Variants in KCNK10 observed in about 807,000 individuals in gnomAD.
KCNK10 encodes the protein potassium channel subfamily K member 10.
KCNK10 carries 25 observed loss-of-function variants against 47.7 expected under a neutral mutation model. The ratio of observed to expected loss-of-function variants is 0.52; its 90% CI spans 0.38 to 0.73. The LOEUF (loss-of-function observed/expected upper bound fraction) is 0.73. Ranked by LOEUF, KCNK10 falls within the 30% of genes least tolerant of loss-of-function variation. The pLI, the probability that KCNK10 is intolerant of heterozygous loss-of-function variation, is 0.00. For synonymous variants in KCNK10, 303 were observed against 285.6 expected (o/e 1.06, Z -0.61); for missense variants, 563 against 714.5 (o/e 0.79, Z 2.42).
chr14:88,293,619 C>T (rs552225308), intron 1 of KCNK10, among the ~76,000 whole-genome samples: 1 of 152,012 alleles, frequency 6.6e-6, no homozygotes, highest in Non-Finnish European at 1.5e-5. Context: ...TTTGCCTGGA[C>T]TTCAATACCT....
intron 4 of KCNK10, among the ~76,000 whole-genome samples, chr14:88,200,406 G>T (rs1885066256): frequency 6.6e-6 from 1 of 152,170 alleles, no homozygotes; most frequent in African/African-American, 2.4e-5. Flanking sequence ...TAGTTTGAGG[G>T]ATCTAGAATT....
At chr14:88,243,998 A>G (rs980300364) in intron 2 of KCNK10, among the ~76,000 whole-genome samples, 13 of 152,178 alleles carry the variant, frequency 8.5e-5, no homozygotes, top group Admixed American at 7.9e-4. Context: ...TGTTATGGGC[A>G]AAGTAGGGCC....
intron 4 of KCNK10, among the ~76,000 whole-genome samples, chr14:88,215,093 C>G (rs1334515394): frequency 6.6e-6 from 1 of 152,164 alleles, no homozygotes; most frequent in Non-Finnish European, 1.5e-5. Flanking sequence ...CAATAATGAT[C>G]TCTTTGGCAG....
At chr14:88,315,715 T>C (rs1377491763) in intron 1 of KCNK10, among the ~76,000 whole-genome samples, 1 of 152,118 alleles carries the variant, frequency 6.6e-6, no homozygotes, top group African/African-American at 2.4e-5. Flanking sequence ...ACTTCCAGGC[T>C]CTCCATCACC....
In KCNK10 at chr14:88,261,953, C is replaced by T. The variant is rs1887124625; in HGVS notation, c.402+1249G>A. On this transcript the variant is annotated intron_variant, in intron 2 of 6. Coordinates refer to ENST00000319231, the MANE Select transcript of KCNK10 (RefSeq NM_138317.3). The stretch of plus-strand genomic sequence containing the variant: ...ATTTCTATTTATTTAAGAGTCAAGT[C>T]ATTATTAAAACTAACTGACAAGAAT... Among the ~76,000 whole-genome samples, 2 of 152,096 alleles carry T rather than the reference C, an allele frequency of 1.3e-5. 1 individual carries two copies. Among genetic ancestry groups the T allele is most frequent in the South Asian group, 4.2e-4 (2 of 4,814 alleles).
At chr14:88,232,998 G>A (rs1383456624) in intron 3 of KCNK10, among the ~76,000 whole-genome samples, 7 of 152,188 alleles carry the variant, frequency 4.6e-5, no homozygotes, top group African/African-American at 1.7e-4. Context: ...GATGGCAGCT[G>A]CAGCAGCCAG....
In KCNK10 at chr14:88,315,702, G is replaced by A. The variant is rs1359890820; in HGVS notation, c.52+7045C>T. Among the ~76,000 whole-genome samples the A allele has an allele frequency of 1.2e-4, 19 of 152,202 alleles. No homozygotes were observed. In the South Asian group the frequency reaches 2.9e-3, roughly 23 times the overall value. Reference sequence around the variant, plus strand: ...GTTTTAGGCGTCTGCAAAGGTTACCGTGACTTCCAGGCTCTCCATCACCCG... The same window carrying A: ...GTTTTAGGCGTCTGCAAAGGTTACCATGACTTCCAGGCTCTCCATCACCCG... On this transcript the variant is annotated intron_variant, in intron 1 of 6. Coordinates refer to ENST00000319231, the MANE Select transcript of KCNK10 (RefSeq NM_138317.3).
rs751915100 is a variant in KCNK10 at position 88,263,569 on chromosome 14, G to A, written c.53-18C>T. On this transcript the variant is annotated intron_variant, in intron 1 of 6. Transcript: ENST00000319231. ...AACGGCCACTGAGGAGTCAGGGTGG[G>A]GGACAAAGAAGAAGAGAGTTTGTTT... 2.5e-6 allele frequency: 4 copies of A among 1,595,118 alleles called. No individual in the cohort carries two copies. In the African/African-American group the frequency reaches 5.4e-5, roughly 21 times the overall value.
At chr14:88,292,451 G>A (rs1887900468) in intron 1 of KCNK10, among the ~76,000 whole-genome samples, 1 of 152,108 alleles carries the variant, frequency 6.6e-6, no homozygotes, top group South Asian at 2.1e-4. Flanking sequence ...CCGGGTTCAA[G>A]CGATTCTCCT....
chr14:88,303,999 G>A (rs914193759), intron 1 of KCNK10, among the ~76,000 whole-genome samples: 2 of 152,056 alleles, frequency 1.3e-5, no homozygotes, highest in African/African-American at 4.8e-5. Flanking sequence ...TAATGACAGG[G>A]ACCATCTCAT....
intron 1 of KCNK10, among the ~76,000 whole-genome samples, chr14:88,266,215 C>G (rs528921550): frequency 6.6e-6 from 1 of 152,304 alleles, no homozygotes; most frequent in East Asian, 1.9e-4. Context: ...CTGGCACATC[C>G]AAACCACACA....
intron 1 of KCNK10, among the ~76,000 whole-genome samples, chr14:88,282,255 A>T (rs1231245348): frequency 6.6e-6 from 1 of 152,242 alleles, no homozygotes; most frequent in Non-Finnish European, 1.5e-5. Flanking sequence ...AACTTGCCCA[A>T]GGCAAATGCT....
intron 1 of KCNK10, among the ~76,000 whole-genome samples, chr14:88,277,066 C>T (rs543325150): frequency 2.0e-5 from 3 of 152,210 alleles, no homozygotes; most frequent in Admixed American, 2.0e-4. Flanking sequence ...CTCACTGTTG[C>T]CTTTCCCCAG....
chr14:88,234,960 T>C (rs144242782), intron 3 of KCNK10: 145 of 353,616 alleles, frequency 4.1e-4, no homozygotes, highest in African/African-American at 3.0e-3. Context: ...TTTCAGAAAG[T>C]ATCCGAAAAT....
intron 1 of KCNK10, chr14:88,270,804 C>T (rs1026258498): frequency 2.6e-6 from 2 of 780,952 alleles, no homozygotes; most frequent in Non-Finnish European, 4.8e-6. Flanking sequence ...CAGCCATGTA[C>T]ATGGTGTGTC....
At chr14:88,292,347 T>G (rs1887897212) in intron 1 of KCNK10, among the ~76,000 whole-genome samples, 2 of 152,110 alleles carry the variant, frequency 1.3e-5, no homozygotes, top group Admixed American at 6.5e-5. Flanking sequence ...TTTTGTTTTG[T>G]TGTTGTTGCT....
intron 2 of KCNK10, among the ~76,000 whole-genome samples, chr14:88,251,828 C>T (rs1380163558): frequency 6.6e-6 from 1 of 152,186 alleles, no homozygotes; most frequent in Non-Finnish European, 1.5e-5. Flanking sequence ...GCCACATTTG[C>T]TCACTTCTCT....
chr14:88,236,828 T>C (rs1566697047), intron 3 of KCNK10, among the ~76,000 whole-genome samples: 1 of 152,214 alleles, frequency 6.6e-6, no homozygotes, highest in Non-Finnish European at 1.5e-5. Context: ...CTAATAATAA[T>C]CTGAGTTTTC....
chr14:88,207,315 G>A (rs535408981), intron 4 of KCNK10, among the ~76,000 whole-genome samples: 1 of 151,954 alleles, frequency 6.6e-6, no homozygotes, highest in Non-Finnish European at 1.5e-5. Flanking sequence ...TGGGACTACA[G>A]GGGCCCGCCA....
Sources: allele counts gnomAD v4.1 joint callset (sites outside exome capture counted in the v4.1 genomes callset), GRCh38; gene constraint gnomAD v4.1.1; transcripts MANE v1.5; gene names NCBI Gene and HGNC (gene_info 2026-07-23, HGNC 2026-07-21).